Variants in TMEM160 observed in about 807,000 individuals in gnomAD.
TMEM160 encodes transmembrane protein 160.
In TMEM160, 10 loss-of-function variants were observed where a neutral mutation model predicts 13.9. The observed-to-expected ratio is 0.72, with a 90% CI of 0.45 to 1.22. The LOEUF (loss-of-function observed/expected upper bound fraction) is 1.22. Among genes scored for constraint, TMEM160 ranks in the 50% most tolerant of loss-of-function variants. TMEM160 has a pLI of 0.00. For missense variants in TMEM160, 287 were observed against 283.2 expected (o/e 1.01, Z -0.10); for synonymous variants, 159 against 134.8 (o/e 1.18, Z -1.25).
Position 47,046,235 on chromosome 19 carries a change from C to T in TMEM160, c.319G>A (p.Gly107Ser). The change falls in exon 3 of 3, where the codon GGC becomes AGC. Residue 107 changes from glycine (G) to serine (S), a missense_variant. Gly to Ser is a moderately conservative substitution (Grantham distance 56). Transcript: ENST00000253047. ...GCGCTGCCCCACACCACGCACAGGC[C>T]GCCCAGCAGGAAGAAGCCTGCGGGA... The part of the protein sequence containing the change: ...EAAYGFFLLG[G>S]LCVVWGSASY... 6.5e-7 allele frequency: 1 copy of T among 1,536,868 alleles called. No homozygotes were observed.
Position 47,048,520 on chromosome 19 carries a change from C to A in TMEM160, c.95G>T (p.Gly32Val), listed in dbSNP as rs776825356. 111 of 1,481,952 alleles carry A rather than the reference C, an allele frequency of 7.5e-5. No homozygotes were observed. Among genetic ancestry groups the A allele is most frequent in the Non-Finnish European group, 1.2e-5 (14 of 1,123,798 alleles). The allele number at this position is 1,481,952 out of a possible 1,614,324, so 91.8% of individuals were successfully genotyped here. A position where few individuals can be genotyped will look rare whatever the true frequency, so the allele number is the denominator to read the frequency against. ...GCCGGGGGCGAAGGACCCCCGGGCG[C>A]CCCCGCTCCGGGGCCGCTGAGGCGG... ...LLPPQRPRSG[G>V]ARGSFAPGHG... The change falls in exon 1 of 3, where the codon GGC (glycine) becomes GTC (valine). Residue 32 changes from glycine (G) to valine (V), a missense_variant. By Grantham distance (109) the Gly-to-Val change is moderately radical. Coordinates refer to ENST00000253047, the MANE Select transcript of TMEM160 (RefSeq NM_017854.2).
intron 2 of TMEM160, 106 bp from the exon 3 acceptor site, chr19:47,046,358 G>T: frequency 7.4e-7 from 1 of 1,348,848 alleles, no homozygotes; most frequent in Non-Finnish European, 9.9e-7. Flanking sequence ...CCAGGGGCTA[G>T]CCTGCATCTT....
At position 47,047,218 on chromosome 19, in the gene TMEM160, T is replaced by A. The variant is rs1422427326; in HGVS notation, c.209-533A>T. The A allele has an allele frequency of 6.1e-6, 6 of 977,360 alleles. No individual in the cohort carries two copies. In the East Asian group the frequency reaches 5.7e-4, roughly 93 times the overall value. The allele number at this position is 977,360 out of a possible 1,614,324, so 60.5% of individuals were successfully genotyped here. ...GAGTGAGACTCCGTCTCAAAAAAAA[T>A]AAAGGATTCAAGATAGTCCCTGCAG... On this transcript the variant is annotated intron_variant, in intron 1 of 2. Transcript: ENST00000253047.
Position 47,048,540 on chromosome 19 carries a change from A to G in TMEM160, c.75T>C (p.Pro25=). 1 of 1,498,854 alleles carries G rather than the reference A, an allele frequency of 6.7e-7. No individual in the cohort carries two copies. Among genetic ancestry groups the G allele is most frequent in the South Asian group, 1.2e-5 (1 of 80,836 alleles). 92.8% of individuals were successfully genotyped at this position (1,498,854 alleles called of 1,614,324 possible). ...RLRFRRSLLP[P]QRPRSGGARG... ...GGGCGCCCCCGCTCCGGGGCCGCTG[A>G]GGCGGCAGTAGCGACCTCCGGAAGC... Residue 25 remains proline, a synonymous_variant, in exon 1 of 3, where the codon CCT becomes CCC. Transcript: ENST00000253047.
At chr19:47,048,384 C>G (rs1449108733) in intron 1 of TMEM160, 23 bp downstream of exon 1, 4 of 1,485,352 alleles carry the variant, frequency 2.7e-6, no homozygotes. Context: ...CCATCCGCAC[C>G]GCCCCCACCC....
intron 1 of TMEM160, chr19:47,047,683 C>T: frequency 2.8e-6 from 2 of 713,600 alleles, no homozygotes; most frequent in South Asian, 1.3e-4. Context: ...GACCCCGTCT[C>T]TACATAAATT....
Position 47,046,625 on chromosome 19 carries a change from A to G in TMEM160, c.269T>C (p.Met90Thr). The change falls in exon 2 of 3, where the codon ATG becomes ACG. Residue 90 changes from methionine (M) to threonine (T), a missense_variant. Met to Thr is a moderately conservative substitution (Grantham distance 81, BLOSUM62 -1). Transcript: ENST00000253047. ...LASGIGVISF[M>T]QSDMGREAAY... ...TGCTTCCCGACCCATGTCACTCTGCATGAAGGAGATGACCCCGATGCCCGA... is the reference window on the plus strand; with the variant it reads ...TGCTTCCCGACCCATGTCACTCTGCGTGAAGGAGATGACCCCGATGCCCGA... The G allele has an allele frequency of 6.2e-7, 1 of 1,613,398 alleles. No homozygotes were observed.
chr19:47,046,526 C>A (rs1285052231), intron 2 of TMEM160, 67 bp downstream of exon 2: 3 of 1,354,776 alleles, frequency 2.2e-6, no homozygotes, highest in Non-Finnish European at 3.2e-6. Flanking sequence ...TCTACTCTCA[C>A]CAGGGCAGGT....
chr19:47,048,468 C>T lies in TMEM160; in HGVS notation c.147G>A (p.Pro49=), dbSNP rs1299109042. The T allele has an allele frequency of 4.3e-6, 6 of 1,408,628 alleles. No individual in the cohort carries two copies. The highest frequency in any genetic ancestry group is 4.6e-6 in the Non-Finnish European group (5 of 1,093,444). The allele number at this position is 1,408,628 out of a possible 1,614,324, so 87.3% of individuals were successfully genotyped here. Reference sequence around the variant, plus strand: ...CACGATCCAGCTCGGACACTGGGGGCGGCGAAGCCCCGGCGCGGGGACCGT... The same window carrying T: ...CACGATCCAGCTCGGACACTGGGGGTGGCGAAGCCCCGGCGCGGGGACCGT... ...PGHGPRAGAS[P]PPVSELDRAD... is the part of the protein sequence containing the mutation. Residue 49 remains proline (P), a synonymous_variant, in exon 1 of 3, where the codon CCG becomes CCA. Transcript: ENST00000253047.
intron 2 of TMEM160, 75 bp from the exon 3 acceptor site, chr19:47,046,327 A>C: frequency 6.8e-7 from 1 of 1,473,456 alleles, no homozygotes; most frequent in Non-Finnish European, 9.0e-7. Flanking sequence ...TTGAGGAGAC[A>C]GGAACAGAGG....
chr19:47,046,573 GA>G lies in TMEM160; in HGVS notation c.301+19del, dbSNP rs370488459. On this transcript the variant is annotated intron_variant, in intron 2 of 2. Transcript: ENST00000253047. ...TGCATTCCCTGGTTCCGTGGGGCGA[GA>G]GGGGGGGTCTGCACTCACCATATGC... The G allele has an allele frequency of 1.4e-3, 2,282 of 1,600,764 alleles. 23 individuals carry two copies. The African/African-American group carries it at 0.028, about 19-fold the overall frequency.
At chr19:47,046,779 C>A in intron 1 of TMEM160, 94 bp from the exon 2 acceptor site, 1 of 917,672 alleles carries the variant, frequency 1.1e-6, no homozygotes, top group Non-Finnish European at 1.8e-6. Context: ...CTCCCTTCAG[C>A]TCACCCCATC....
Position 47,048,461 on chromosome 19 carries a change from C to G in TMEM160, c.154G>C (p.Val52Leu). The G allele has an allele frequency of 2.1e-6, 3 of 1,410,562 alleles. No homozygotes were observed. The highest frequency in any genetic ancestry group is 3.1e-5 in the South Asian group (2 of 65,460). The allele number at this position is 1,410,562 out of a possible 1,614,324, so 87.4% of individuals were successfully genotyped here. A position where few individuals can be genotyped will look rare whatever the true frequency, so the allele number is the denominator to read the frequency against. The part of the protein sequence containing the change: ...GPRAGASPPP[V>L]SELDRADAWL... The stretch of plus-strand genomic sequence containing the variant: ...GCGTCCGCACGATCCAGCTCGGACA[C>G]TGGGGGCGGCGAAGCCCCGGCGCGG... Residue 52 changes from valine (V) to leucine (L), a missense_variant, in exon 1 of 3, where the codon GTG (valine) becomes CTG (leucine). Transcript: ENST00000253047.
At position 47,045,937 on chromosome 19, in the gene TMEM160, C is replaced by T. The variant is rs2057075774; in HGVS notation, c.*50G>A. ...AGGAGGGGAGGTCAGGTTTAATGTC[C>T]CAGTCCTCGGGCGCTGTCCAGCGCC... On this transcript the variant is annotated 3_prime_UTR_variant, in exon 3 of 3. Transcript: ENST00000253047. 2 of 1,481,854 alleles carry T rather than the reference C, an allele frequency of 1.3e-6. No homozygotes were observed. The highest frequency in any genetic ancestry group is 1.5e-5 in the African/African-American group (1 of 68,514). 91.8% of individuals were successfully genotyped at this position (1,481,854 alleles called of 1,614,324 possible). A position where few individuals can be genotyped will look rare whatever the true frequency, so the allele number is the denominator to read the frequency against.
Position 47,048,576 on chromosome 19 carries a change from A to T in TMEM160, c.39T>A (p.Leu13=). 1 of 1,522,532 alleles carries T rather than the reference A, an allele frequency of 6.6e-7. No individual in the cohort carries two copies. The highest frequency in any genetic ancestry group is 8.7e-7 in the Non-Finnish European group (1 of 1,144,348). The allele number at this position is 1,522,532 out of a possible 1,614,324, so 94.3% of individuals were successfully genotyped here. A position where few individuals can be genotyped will look rare whatever the true frequency, so the allele number is the denominator to read the frequency against. ...GCGACCTCCGGAAGCGAAGACGGGC[A>T]AGGCGAGCGGCCCGAGCCCACCACC... ...GGWWWARAAR[L]ARLRFRRSLL... The change falls in exon 1 of 3, where the codon CTT becomes CTA. Residue 13 remains leucine (L), a synonymous_variant. Coordinates refer to ENST00000253047, the MANE Select transcript of TMEM160 (RefSeq NM_017854.2).
At chr19:47,046,464 G>A in intron 2 of TMEM160, 129 bp downstream of exon 2, 1 of 950,754 alleles carries the variant, frequency 1.1e-6, no homozygotes, top group South Asian at 1.5e-5. Context: ...TTCTGGTGGG[G>A]GAAGAATGGG....
intron 1 of TMEM160, chr19:47,047,841 G>T: frequency 2.1e-6 from 2 of 956,284 alleles, no homozygotes; most frequent in Non-Finnish European, 2.5e-6. Context: ...GCAAGACACC[G>T]TCATTAAAAA....
intron 1 of TMEM160, chr19:47,047,401 C>T (rs1482365793): frequency 8.2e-6 from 8 of 974,734 alleles, no homozygotes; most frequent in African/African-American, 2.1e-5. Flanking sequence ...CGCTCTTCAG[C>T]CTCGCCCTTC....
At position 47,048,543 on chromosome 19, in the gene TMEM160, C is replaced by T; in HGVS notation, c.72G>A (p.Pro24=). Residue 24 remains proline, a synonymous_variant, in exon 1 of 3, where the codon CCG becomes CCA. Transcript: ENST00000253047. ...ARLRFRRSLL[P]PQRPRSGGAR... Reference sequence around the variant, plus strand: ...CGCCCCCGCTCCGGGGCCGCTGAGGCGGCAGTAGCGACCTCCGGAAGCGAA... The same window carrying T: ...CGCCCCCGCTCCGGGGCCGCTGAGGTGGCAGTAGCGACCTCCGGAAGCGAA... 1.3e-6 allele frequency: 2 copies of T among 1,503,092 alleles called. No individual in the cohort carries two copies. The highest frequency in any genetic ancestry group is 2.7e-5 in the East Asian group (1 of 36,618). 93.1% of individuals were successfully genotyped at this position (1,503,092 alleles called of 1,614,324 possible).
Sources: allele counts gnomAD v4.1 joint callset, GRCh38; gene constraint gnomAD v4.1.1; transcripts MANE v1.5; gene names NCBI Gene and HGNC (gene_info 2026-07-23, HGNC 2026-07-21).